Variants in ACTR3B observed in about 807,000 individuals in gnomAD.
ACTR3B encodes the protein actin-related protein 3B.
In ACTR3B, 8 loss-of-function variants were observed where a neutral mutation model predicts 59.0. The ratio of observed to expected loss-of-function variants is 0.14; its 90% CI spans 0.08 to 0.24. The LOEUF is 0.24. Ranked by LOEUF, ACTR3B falls within the 10% of genes least tolerant of loss-of-function variation. The pLI is 1.00. For missense variants in ACTR3B, 245 were observed against 552.3 expected, an observed-to-expected ratio of 0.44 and a Z score of 5.58; for synonymous variants, 148 against 197.9, an observed-to-expected ratio of 0.75 and a Z score of 2.12.
chr7:152,854,598 A>G lies in ACTR3B; in HGVS notation c.*45A>G, dbSNP rs774359081. On this transcript the variant is annotated 3_prime_UTR_variant, in exon 12 of 12. Coordinates refer to ENST00000256001, the MANE Select transcript of ACTR3B (RefSeq NM_020445.6). This position sits in a 1 kb window ranked among gnomAD's most constrained non-coding sequence, Gnocchi z 4.9. ...TTCGATGGTGTCACGTTGGGGAACAAGTGTCCTTCAGAACCCAGAGAAGGC... is the reference window on the plus strand; with the variant it reads ...TTCGATGGTGTCACGTTGGGGAACAGGTGTCCTTCAGAACCCAGAGAAGGC... 166 of 1,586,254 alleles carry G rather than the reference A, an allele frequency of 1.0e-4. 1 individual carries two copies. In the South Asian group the frequency reaches 1.7e-3, roughly 16 times the overall value.
intron 1 of ACTR3B, among the ~76,000 whole-genome samples, chr7:152,764,849 A>G (rs139323361): frequency 0.03 from 4,493 of 152,244 alleles, 96 homozygotes; most frequent in Middle Eastern, 0.099. Flanking sequence ...AGACTCACCA[A>G]TAGAGCCTAT....
intron 4 of ACTR3B, among the ~76,000 whole-genome samples, chr7:152,807,211 G>GT (rs781309368): frequency 6.6e-6 from 1 of 152,202 alleles, no homozygotes; most frequent in East Asian, 1.9e-4. Flanking sequence ...CAGTAGAATT[G>GT]TAAGTATAGA....
chr7:152,829,224 T>C (rs1024228532), intron 9 of ACTR3B, among the ~76,000 whole-genome samples: 2 of 152,084 alleles, frequency 1.3e-5, no homozygotes, highest in African/African-American at 4.8e-5. Flanking sequence ...AGTGAGAATA[T>C]GTAAGATTCC....
At chr7:152,853,619 C>A in intron 11 of ACTR3B, 42 bp downstream of exon 11, 4 of 1,565,768 alleles carry the variant, frequency 2.6e-6, no homozygotes, top group Non-Finnish European at 3.5e-6. Flanking sequence ...CATTCCTGTG[C>A]TCTCGGTTGA....
intron 4 of ACTR3B, chr7:152,811,357 C>T (rs922380015): frequency 1.3e-5 from 2 of 148,790 alleles, no homozygotes; most frequent in African/African-American, 5.0e-5. Flanking sequence ...ATTACCTGCA[C>T]TTTACCCATG....
chr7:152,805,037 G>A (rs2098248228), intron 4 of ACTR3B, among the ~76,000 whole-genome samples: 1 of 151,954 alleles, frequency 6.6e-6, no homozygotes, highest in East Asian at 1.9e-4. Context: ...CTCATATTTG[G>A]CCTCATTGTT....
At chr7:152,838,331 T>TAC (rs1211248725) in intron 9 of ACTR3B, among the ~76,000 whole-genome samples, 2 of 151,826 alleles carry the variant, frequency 1.3e-5, no homozygotes, top group Non-Finnish European at 2.9e-5. Context: ...GTGGCACATA[T>TAC]ACACCATGGA....
chr7:152,772,150 T>C (rs2098125562), intron 1 of ACTR3B, among the ~76,000 whole-genome samples: 1 of 151,922 alleles, frequency 6.6e-6, no homozygotes, highest in Admixed American at 6.6e-5. Context: ...CCACCTATAA[T>C]GGAAAAAATA....
chr7:152,820,942 C>T (rs373851520), intron 7 of ACTR3B, among the ~76,000 whole-genome samples: 275 of 152,344 alleles, frequency 1.8e-3, no homozygotes, highest in African/African-American at 6.0e-3. Flanking sequence ...GCCCAACACC[C>T]ACACTTCTCC....
At chr7:152,809,635 G>A (rs1158010046) in intron 4 of ACTR3B, among the ~76,000 whole-genome samples, 4 of 151,270 alleles carry the variant, frequency 2.6e-5, no homozygotes, top group Admixed American at 2.0e-4. Flanking sequence ...TCCGCCTCCC[G>A]GGTTCAAGCA....
intron 4 of ACTR3B, among the ~76,000 whole-genome samples, chr7:152,803,258 A>G (rs1274665461): frequency 1.3e-5 from 2 of 152,076 alleles, no homozygotes; most frequent in Non-Finnish European, 2.9e-5. Context: ...ATGTTGTCCA[A>G]GCTGGCCTCA....
chr7:152,774,285 C>T lies in ACTR3B; in HGVS notation c.45-8902C>T, dbSNP rs185480381. ...CCGAGTAGCTGGGATTACAGGCATG[C>T]GCCACCGCACCCGACTAGTTTTGTA... On this transcript the variant is annotated intron_variant, in intron 1 of 11. Transcript: ENST00000256001. Among the ~76,000 whole-genome samples the T allele has an allele frequency of 5.1e-4, 77 of 152,198 alleles. 1 individual carries two copies. The highest frequency in any genetic ancestry group is 1.7e-3 in the African/African-American group (69 of 41,540).
In ACTR3B at chr7:152,825,192, G is replaced by C. The variant is rs533403208; in HGVS notation, c.951+70G>C. On this transcript the variant is annotated intron_variant, in intron 9 of 11. Coordinates refer to ENST00000256001, the MANE Select transcript of ACTR3B (RefSeq NM_020445.6). ...AAAGGCCCATAATTCTTAGAAGACG[G>C]TATTACTGTCTATTACTAGTAAATA... 32 of 1,511,958 alleles carry C rather than the reference G, an allele frequency of 2.1e-5. 1 individual carries two copies. In the South Asian group the frequency reaches 3.7e-4, roughly 17 times the overall value. 93.7% of individuals were successfully genotyped at this position (1,511,958 alleles called of 1,614,324 possible).
At chr7:152,767,248 G>A (rs1266875262) in intron 1 of ACTR3B, among the ~76,000 whole-genome samples, 2 of 152,050 alleles carry the variant, frequency 1.3e-5, no homozygotes, top group Non-Finnish European at 1.5e-5. Flanking sequence ...CATAATTTAT[G>A]GAAAAAACCC....
chr7:152,795,547 A>T (rs2098213331), intron 2 of ACTR3B, among the ~76,000 whole-genome samples: 1 of 152,228 alleles, frequency 6.6e-6, no homozygotes, highest in South Asian at 2.1e-4. Flanking sequence ...TTTCATTTGG[A>T]AATGAGGCAT....
At chr7:152,819,319 G>C (rs1173158946) in intron 6 of ACTR3B, among the ~76,000 whole-genome samples, 1 of 152,232 alleles carries the variant, frequency 6.6e-6, no homozygotes, top group Non-Finnish European at 1.5e-5. Flanking sequence ...AATGAAGTCA[G>C]CGTTTCACTT....
intron 2 of ACTR3B, among the ~76,000 whole-genome samples, chr7:152,784,025 G>T (rs1441686036): frequency 6.6e-6 from 1 of 152,010 alleles, no homozygotes; most frequent in Non-Finnish European, 1.5e-5. Context: ...GGGGGGTGGA[G>T]GTTGCAGTGA....
At position 152,821,992 on chromosome 7, in the gene ACTR3B, A is replaced by G. The variant is rs542457396; in HGVS notation, c.685-1350A>G. Among the ~76,000 whole-genome samples the G allele has an allele frequency of 2.8e-3, 424 of 152,336 alleles. 3 individuals are homozygous for G. The highest frequency in any genetic ancestry group is 9.7e-3 in the African/African-American group (405 of 41,578). On this transcript the variant is annotated intron_variant, in intron 7 of 11. Transcript: ENST00000256001. ...TCAATGGAAACATTTCCTAGCAAGC[A>G]TTTGAGTTAAGTAAGCTGAGATGCT...
chr7:152,835,345 C>G (rs2116928949), intron 9 of ACTR3B, among the ~76,000 whole-genome samples: 2 of 152,274 alleles, frequency 1.3e-5, no homozygotes, highest in Middle Eastern at 6.8e-3. Context: ...ACAGGCATAA[C>G]TTGGAGATTT....
Sources: allele counts gnomAD v4.1 joint callset (sites outside exome capture counted in the v4.1 genomes callset), GRCh38; gene constraint gnomAD v4.1.1; non-coding constraint Gnocchi (gnomAD v3.1); transcripts MANE v1.5; gene names NCBI Gene and HGNC (gene_info 2026-07-23, HGNC 2026-07-21).